The following FBXW4 variants were observed in gnomAD, a reference collection of about 807,000 sequenced individuals.
FBXW4 encodes the protein F-box/WD repeat-containing protein 4.
In FBXW4, 40 loss-of-function variants were observed where a neutral mutation model predicts 61.8. The ratio of observed to expected loss-of-function variants is 0.65; its 90% confidence interval spans 0.50 to 0.84. The LOEUF (loss-of-function observed/expected upper bound fraction) is 0.84. FBXW4 is among the 40% of genes least tolerant of loss of function. The pLI is 0.00. For synonymous variants in FBXW4, 311 were observed against 313.8 expected (o/e 0.99, Z 0.10); for missense variants, 672 against 753.8 (o/e 0.89, Z 1.27).
In FBXW4 at chr10:101,694,877, C is replaced by G; in HGVS notation, c.229G>C (p.Ala77Pro). 8.0e-7 allele frequency: 1 copy of G among 1,243,228 alleles called. No homozygotes were observed. The highest frequency in any genetic ancestry group is 1.0e-6 in the Non-Finnish European group (1 of 994,674). The allele number at this position is 1,243,228 out of a possible 1,614,324, so 77.0% of individuals were successfully genotyped here. A position where few individuals can be genotyped will look rare whatever the true frequency, so the allele number is the denominator to read the frequency against. The change falls in exon 1 of 9, where the codon GCG becomes CCG. Residue 77 changes from alanine to proline, a missense_variant. Transcript: ENST00000331272. This position sits in a 1 kb window ranked among gnomAD's most constrained non-coding sequence, Gnocchi z 6.0. ...GCTTCCTCCCTTGGGCATGCCCTCG[C>G]TCCCGCGTCAGCCCCCGGCCCGGCT... ...EAAGPGADAG[A>P]RACPREEAEG...
chr10:101,659,252 G>A (rs1050856301), intron 5 of FBXW4, among the ~76,000 whole-genome samples: 5 of 152,158 alleles, frequency 3.3e-5, no homozygotes, highest in Non-Finnish European at 7.3e-5. Flanking sequence ...GGGCATGAGG[G>A]TGTCCACCTG....
At chr10:101,625,620 C>T (rs2063901514) in intron 5 of FBXW4, 1 of 152,232 alleles carries the variant, frequency 6.6e-6, no homozygotes, top group African/African-American at 2.4e-5. Context: ...TATAAAGGAT[C>T]CACGCAGTGG....
At chr10:101,649,944 G>C (rs1032460924) in intron 5 of FBXW4, among the ~76,000 whole-genome samples, 1 of 152,226 alleles carries the variant, frequency 6.6e-6, no homozygotes, top group Admixed American at 6.5e-5. Flanking sequence ...TTCATCCACT[G>C]ACTTCCTGAC....
intron 1 of FBXW4, among the ~76,000 whole-genome samples, chr10:101,691,074 G>A (rs72844633): frequency 3.5e-3 from 534 of 152,202 alleles, no homozygotes; most frequent in Middle Eastern, 0.014. Flanking sequence ...GGCCAGTGAG[G>A]TTATGTGGCT....
intron 5 of FBXW4, among the ~76,000 whole-genome samples, chr10:101,649,530 G>T (rs1240325565): frequency 6.6e-6 from 1 of 152,222 alleles, no homozygotes; most frequent in Non-Finnish European, 1.5e-5. Flanking sequence ...TGCTGGGAGT[G>T]CCTATTTCCC....
chr10:101,682,747 AGCTGCTACCAAACAGCAGGT>A (rs1043415980), intron 1 of FBXW4, among the ~76,000 whole-genome samples: 7 of 152,202 alleles, frequency 4.6e-5, no homozygotes, highest in Non-Finnish European at 7.3e-5. Context: ...GAACTTTAGA[AGCTGCTACCAAACAGCAGGT>A]GCAGGCATCC....
At chr10:101,672,891 T>C (rs201061495) in intron 4 of FBXW4, 24 bp downstream of exon 4, 2 of 1,613,050 alleles carry the variant, frequency 1.2e-6, no homozygotes, top group Non-Finnish European at 1.7e-6. Context: ...GGAGTAATAG[T>C]ATGTAAGGGG....
chr10:101,615,790 C>T (rs142205466), intron 6 of FBXW4, among the ~76,000 whole-genome samples: 59 of 152,324 alleles, frequency 3.9e-4, no homozygotes, highest in East Asian at 2.9e-3. Context: ...CCGCCAGGGA[C>T]AGGCCCTGAG....
chr10:101,611,557 C>T lies in FBXW4; in HGVS notation c.1584+71G>A, dbSNP rs1564899369. The stretch of plus-strand genomic sequence containing the variant: ...TTTCTAGGCACGTCCTTGGCTACCT[C>T]ACCCTCTCCCAAATGCAGCCCATAA... On this transcript the variant is annotated intron_variant, in intron 8 of 8. Transcript: ENST00000331272. This position sits in a 1 kb window ranked among gnomAD's most constrained non-coding sequence, Gnocchi z 4.9. 1 of 1,589,830 alleles carries T rather than the reference C, an allele frequency of 6.3e-7. No homozygotes were observed. The highest frequency in any genetic ancestry group is 8.6e-7 in the Non-Finnish European group (1 of 1,163,998).
intron 5 of FBXW4, among the ~76,000 whole-genome samples, chr10:101,657,384 A>C (rs1451368953): frequency 1.3e-5 from 2 of 152,060 alleles, no homozygotes; most frequent in Non-Finnish European, 2.9e-5. Context: ...TGTAATCCCA[A>C]CACTTTGGGA....
intron 5 of FBXW4, among the ~76,000 whole-genome samples, chr10:101,646,450 G>T: frequency 6.6e-6 from 1 of 152,324 alleles, no homozygotes; most frequent in African/African-American, 2.4e-5. Context: ...CTAGGCAGGA[G>T]GCCGAGAGGC....
rs75987871 is a variant in FBXW4, at chr10:101,621,679, C to A, written c.1301+3066G>T. Among the ~76,000 whole-genome samples the A allele has an allele frequency of 2.5e-4, 38 of 152,274 alleles. No homozygotes were observed. In the East Asian group the frequency reaches 6.9e-3, roughly 28 times the overall value. On this transcript the variant is annotated intron_variant, in intron 6 of 8. Transcript: ENST00000331272. Reference sequence around the variant, plus strand: ...CACGATAATTTTGTTCATACCAGTTCTGTTAGGTAGGGATAATTAATTTCC... The same window carrying A: ...CACGATAATTTTGTTCATACCAGTTATGTTAGGTAGGGATAATTAATTTCC...
At chr10:101,621,235 A>T (rs2063864496) in intron 6 of FBXW4, among the ~76,000 whole-genome samples, 1 of 152,232 alleles carries the variant, frequency 6.6e-6, no homozygotes, top group Non-Finnish European at 1.5e-5. Flanking sequence ...AAGAATTAAA[A>T]GCCTCCACAA....
chr10:101,624,616 A>T, intron 6 of FBXW4, 129 bp downstream of exon 6: 1 of 878,014 alleles, frequency 1.1e-6, no homozygotes, highest in Non-Finnish European at 1.9e-6. Flanking sequence ...GCACCACAGC[A>T]GAGGCCTCCT....
intron 5 of FBXW4, among the ~76,000 whole-genome samples, chr10:101,649,274 C>T (rs2064126610): frequency 6.6e-6 from 1 of 151,944 alleles, no homozygotes; most frequent in African/African-American, 2.4e-5. Flanking sequence ...TGTGCCATTG[C>T]CCTCCCAGCC....
intron 5 of FBXW4, among the ~76,000 whole-genome samples, chr10:101,632,026 A>G (rs1268608058): frequency 6.6e-6 from 1 of 152,202 alleles, no homozygotes; most frequent in Non-Finnish European, 1.5e-5. Context: ...TGGTACAGCT[A>G]GTGTTAGCAA....
chr10:101,648,967 A>G (rs2064124211), intron 5 of FBXW4, among the ~76,000 whole-genome samples: 1 of 152,016 alleles, frequency 6.6e-6, no homozygotes, highest in Non-Finnish European at 1.5e-5. Context: ...CTCCTCTACC[A>G]TGCTCCAAAC....
At chr10:101,676,105 G>A (rs1292104711) in intron 2 of FBXW4, among the ~76,000 whole-genome samples, 1 of 151,988 alleles carries the variant, frequency 6.6e-6, no homozygotes, top group Admixed American at 6.6e-5. Context: ...TCTAAAATAA[G>A]CATTGATTTC....
chr10:101,662,076 C>T (rs1018496861), intron 5 of FBXW4, among the ~76,000 whole-genome samples: 6 of 152,214 alleles, frequency 3.9e-5, no homozygotes, highest in Admixed American at 1.3e-4. Context: ...CCACTGGCAA[C>T]CAAAAGAATC....
Sources: allele counts gnomAD v4.1 joint callset (sites outside exome capture counted in the v4.1 genomes callset), GRCh38; gene constraint gnomAD v4.1.1; non-coding constraint Gnocchi (gnomAD v3.1); transcripts MANE v1.5; gene names NCBI Gene and HGNC (gene_info 2026-07-23, HGNC 2026-07-21).